Variants in PCDHA11 observed in about 807,000 individuals in gnomAD.
PCDHA11 encodes the protein protocadherin alpha-11.
PCDHA11 carries 61 observed loss-of-function variants against 70.3 expected under a neutral mutation model. That is an observed-to-expected ratio of 0.87 (90% CI 0.71 to 1.07). PCDHA11 has a LOEUF of 1.07. Among genes scored for constraint, PCDHA11 ranks in the 50% least tolerant of loss-of-function variants. PCDHA11 has a pLI of 0.00. For missense variants in PCDHA11, 1,324 were observed against 1,237.5 expected, an observed-to-expected ratio of 1.07 and a Z score of -1.05; for synonymous variants, 633 against 555.1, an observed-to-expected ratio of 1.14 and a Z score of -1.97.
chr5:141,000,395 C>CTCTATA (rs1213762225), intron 3 of PCDHA11, among the ~76,000 whole-genome samples: 3 of 53,980 alleles, frequency 5.6e-5, no homozygotes, highest in East Asian at 6.1e-4. Flanking sequence ...CTCTCTCTCT[C>CTCTATA]TATATATATA....
intron 1 of PCDHA11, among the ~76,000 whole-genome samples, chr5:140,894,932 A>G (rs2064735231): frequency 6.6e-6 from 1 of 152,184 alleles, no homozygotes; most frequent in Non-Finnish European, 1.5e-5. Flanking sequence ...ATTTCTATTC[A>G]GCTATTGTCA....
chr5:140,893,297 A>G (rs553139850), intron 1 of PCDHA11, among the ~76,000 whole-genome samples: 4 of 152,154 alleles, frequency 2.6e-5, no homozygotes, highest in South Asian at 2.1e-4. Context: ...TGGTAGTTCT[A>G]TTTGTAGTTT....
chr5:140,992,127 T>G (rs1237289084), intron 3 of PCDHA11, among the ~76,000 whole-genome samples: 1 of 151,584 alleles, frequency 6.6e-6, no homozygotes, highest in Non-Finnish European at 1.5e-5. Flanking sequence ...GGAAGAACAG[T>G]GACTGATGAT....
intron 3 of PCDHA11, among the ~76,000 whole-genome samples, chr5:140,995,268 C>G (rs2097673323): frequency 6.6e-6 from 1 of 152,110 alleles, no homozygotes; most frequent in Non-Finnish European, 1.5e-5. Flanking sequence ...AATACAAGCC[C>G]TTTGATACCA....
At chr5:141,001,265 T>C (rs71583613) in intron 3 of PCDHA11, among the ~76,000 whole-genome samples, 24 of 152,168 alleles carry the variant, frequency 1.6e-4, no homozygotes, top group Admixed American at 7.2e-4. Flanking sequence ...GGCACTCTTA[T>C]GAACTTTTTT....
At chr5:140,909,851 G>A (rs555110598) in intron 1 of PCDHA11, among the ~76,000 whole-genome samples, 17 of 152,228 alleles carry the variant, frequency 1.1e-4, no homozygotes, top group East Asian at 3.9e-4. Flanking sequence ...GGACGTTTTC[G>A]GTCCCCTGGA....
intron 3 of PCDHA11, among the ~76,000 whole-genome samples, chr5:140,984,004 A>G (rs1039333145): frequency 6.6e-6 from 1 of 152,196 alleles, no homozygotes; most frequent in Admixed American, 6.5e-5. Context: ...TTAGAGAGCT[A>G]ATATTGCCAG....
At chr5:140,887,524 G>A (rs2061480235) in intron 1 of PCDHA11, among the ~76,000 whole-genome samples, 2 of 152,090 alleles carry the variant, frequency 1.3e-5, no homozygotes, top group African/African-American at 4.8e-5. Flanking sequence ...TTATATATGA[G>A]TCTTCCTCTC....
At chr5:140,922,866 G>GA (rs557650266) in intron 1 of PCDHA11, among the ~76,000 whole-genome samples, 1 of 152,096 alleles carries the variant, frequency 6.6e-6, no homozygotes. Flanking sequence ...TAGACAAGGG[G>GA]AAAAAATCCA....
rs1389969210 is a variant in PCDHA11, at chr5:140,877,650, G to T, written c.2391+6156G>T. The T allele has an allele frequency of 3.1e-6, 5 of 1,613,390 alleles. No individual in the cohort carries two copies. The African/African-American group carries it at 6.7e-5, about 22-fold the overall frequency. ...ACACTGCGCTGCGTTGCTCAGCGCC[G>T]CCCACCGTGAGCCGGTGCGCGCCGG... On this transcript the variant is annotated intron_variant, in intron 1 of 3. Coordinates refer to ENST00000398640, the MANE Select transcript of PCDHA11 (RefSeq NM_018902.5).
intron 1 of PCDHA11, among the ~76,000 whole-genome samples, chr5:140,952,804 C>T (rs191550367): frequency 2.6e-5 from 4 of 152,282 alleles, no homozygotes; most frequent in Non-Finnish European, 5.9e-5. Flanking sequence ...GCTCGCAGTT[C>T]TGCAGGCTGT....
intron 1 of PCDHA11, chr5:140,884,056 G>T (rs782776341): frequency 6.2e-7 from 1 of 1,613,358 alleles, no homozygotes; most frequent in Non-Finnish European, 8.5e-7. Flanking sequence ...AGGTGCGCGC[G>T]GTGGACGCCG....
chr5:141,010,321 G>A lies in PCDHA11; in HGVS notation c.*384G>A. The A allele has an allele frequency of 1.3e-6, 2 of 1,541,244 alleles. No individual in the cohort carries two copies. Among genetic ancestry groups the A allele is most frequent in the South Asian group, 1.2e-5 (1 of 82,726 alleles). On this transcript the variant is annotated 3_prime_UTR_variant, in exon 4 of 4. Transcript: ENST00000398640. ...GGCTGAAAAGTTTTGAGATTGAGCA[G>A]CTTGGGAGTTTGTGGCCACTGGGTA...
At chr5:140,974,426 G>T (rs1417085676) in intron 1 of PCDHA11, among the ~76,000 whole-genome samples, 1 of 152,152 alleles carries the variant, frequency 6.6e-6, no homozygotes, top group Non-Finnish European at 1.5e-5. Flanking sequence ...TTACTTTCCT[G>T]GTTTGTAAAT....
At chr5:140,886,545 C>T (rs894582397) in intron 1 of PCDHA11, among the ~76,000 whole-genome samples, 5 of 151,964 alleles carry the variant, frequency 3.3e-5, no homozygotes, top group Non-Finnish European at 7.4e-5. Flanking sequence ...AAGGTCTTCC[C>T]AGCTGGGCAC....
At chr5:140,919,713 G>C (rs1370532221) in intron 1 of PCDHA11, among the ~76,000 whole-genome samples, 1 of 152,096 alleles carries the variant, frequency 6.6e-6, no homozygotes, top group African/African-American at 2.4e-5. Context: ...ATTCTAGTGA[G>C]ATATAAATAT....
intron 1 of PCDHA11, among the ~76,000 whole-genome samples, chr5:140,970,131 A>G (rs1554232260): frequency 6.6e-6 from 1 of 152,186 alleles, no homozygotes; most frequent in Non-Finnish European, 1.5e-5. Context: ...GAAGGAAGAG[A>G]AGGGAAAAAG....
chr5:140,977,067 A>G (rs2096744217), intron 1 of PCDHA11, among the ~76,000 whole-genome samples: 1 of 152,250 alleles, frequency 6.6e-6, no homozygotes, highest in South Asian at 2.1e-4. Context: ...TATAGAAAAT[A>G]GCAGCATGAC....
rs202137231 is a variant in PCDHA11 at position 140,871,103 on chromosome 5, C to G, written c.2000C>G (p.Ser667Trp). The change falls in exon 1 of 4, where the codon TCG becomes TGG. Residue 667 changes from serine (S) to tryptophan (W), a missense_variant. By Grantham distance (177) the Ser-to-Trp change is radical (BLOSUM62 -3). Transcript: ENST00000398640. ...ACGGCCACGGCCACCGTGCTGGTGT[C>G]GTTGGTGGAGAGCGGACAGGCGCCA... Reference protein sequence around the residue: ...ALTATATVLVSLVESGQAPKA... With the variant: ...ALTATATVLVWLVESGQAPKA... 4.3e-6 allele frequency: 7 copies of G among 1,613,290 alleles called. No homozygotes were observed. The highest frequency in any genetic ancestry group is 2.2e-5 in the South Asian group (2 of 91,074).
Sources: allele counts gnomAD v4.1 joint callset (sites outside exome capture counted in the v4.1 genomes callset), GRCh38; gene constraint gnomAD v4.1.1; transcripts MANE v1.5; gene names NCBI Gene and HGNC (gene_info 2026-07-23, HGNC 2026-07-21).